SND1: variants seen among roughly 807,000 people sequenced by gnomAD.
The protein encoded by SND1 is staphylococcal nuclease and tudor domain containing 1.
In SND1, 38 loss-of-function variants were observed where a neutral mutation model predicts 121.7. The ratio of observed to expected loss-of-function variants is 0.31; its 90% CI spans 0.24 to 0.41. The LOEUF is 0.41. Among genes scored for constraint, SND1 ranks in the 10% least tolerant of loss-of-function variants. The pLI is 1.00. For synonymous variants in SND1, 401 were observed against 447.4 expected (o/e 0.90, Z 1.31); for missense variants, 868 against 1,184.6 (o/e 0.73, Z 3.92).
intron 10 of SND1, among the ~76,000 whole-genome samples, chr7:127,800,537 G>A (rs1251131058): frequency 6.6e-6 from 1 of 152,032 alleles, no homozygotes; most frequent in Non-Finnish European, 1.5e-5. Context: ...GCTGAAGAGA[G>A]GAATAAAAGT....
intron 15 of SND1, among the ~76,000 whole-genome samples, chr7:127,944,551 T>C (rs886449262): frequency 7.2e-5 from 11 of 152,184 alleles, no homozygotes; most frequent in Non-Finnish European, 8.8e-5. Flanking sequence ...TGGCCTAAAC[T>C]GAGTCATTAA....
chr7:127,828,358 A>G (rs1242605129), intron 11 of SND1, among the ~76,000 whole-genome samples: 1 of 151,966 alleles, frequency 6.6e-6, no homozygotes, highest in Admixed American at 6.6e-5. Context: ...ATCAGAATAT[A>G]TATACATATT....
chr7:127,975,776 A>G (rs1042492078), intron 15 of SND1, among the ~76,000 whole-genome samples: 4 of 151,994 alleles, frequency 2.6e-5, no homozygotes, highest in African/African-American at 9.7e-5. Context: ...CTGGCATGAG[A>G]CTTTCTTCTG....
chr7:128,020,323 C>T (rs1251163532), intron 16 of SND1, among the ~76,000 whole-genome samples: 1 of 152,240 alleles, frequency 6.6e-6, no homozygotes, highest in East Asian at 1.9e-4. Context: ...ACTGCAAACT[C>T]CAGGGGGCAC....
intron 14 of SND1, 64 bp downstream of exon 14, chr7:127,904,883 C>A: frequency 2.0e-6 from 2 of 1,024,604 alleles, no homozygotes; most frequent in Non-Finnish European, 3.1e-6. Context: ...TGCATATTTG[C>A]TGAAGGACTT....
At chr7:127,951,054 T>C (rs1801451484) in intron 15 of SND1, among the ~76,000 whole-genome samples, 1 of 152,196 alleles carries the variant, frequency 6.6e-6, no homozygotes. Flanking sequence ...GATCCAGCAA[T>C]TCTGCTTCTG....
Position 128,067,554 on chromosome 7 carries a change from G to T in SND1, c.1780-6948G>T, listed in dbSNP as rs752499051. Among the ~76,000 whole-genome samples the T allele has an allele frequency of 9.2e-5, 14 of 152,254 alleles. No individual in the cohort carries two copies. In the South Asian group the frequency reaches 2.9e-3, roughly 32 times the overall value. ...CCTCAGGGCAGTGGCGCCCTGTGCT[G>T]GGCTCTTTTCTACTTGGGACCTGCC... On this transcript the variant is annotated intron_variant, in intron 16 of 23. Coordinates refer to ENST00000354725, the MANE Select transcript of SND1 (RefSeq NM_014390.4).
intron 13 of SND1, among the ~76,000 whole-genome samples, chr7:127,888,342 G>A (rs765801133): frequency 1.3e-5 from 2 of 152,092 alleles, no homozygotes; most frequent in African/African-American, 2.4e-5. Context: ...CTGTGAAGCC[G>A]TGCTTATGTC....
chr7:127,663,140 G>A (rs749115672), intron 1 of SND1, among the ~76,000 whole-genome samples: 1 of 151,954 alleles, frequency 6.6e-6, no homozygotes, highest in Non-Finnish European at 1.5e-5. Context: ...TCCTGCCTCA[G>A]CCTCCAAAAG....
intron 16 of SND1, among the ~76,000 whole-genome samples, chr7:128,007,702 C>T (rs1803016830): frequency 6.6e-6 from 1 of 152,148 alleles, no homozygotes; most frequent in Non-Finnish European, 1.5e-5. Context: ...TAGAGCTTTT[C>T]CTTTGTTGGT....
At chr7:127,987,625 C>G (rs542036054) in intron 15 of SND1, among the ~76,000 whole-genome samples, 30 of 152,308 alleles carry the variant, frequency 2.0e-4, no homozygotes, top group African/African-American at 7.0e-4. Context: ...ACTTTTTTAA[C>G]TCTGCAAGAA....
intron 16 of SND1, chr7:127,999,810 T>C (rs1304417996): frequency 1.3e-5 from 2 of 152,182 alleles, no homozygotes; most frequent in Non-Finnish European, 2.9e-5. Flanking sequence ...GCCATTCCTA[T>C]GGAAGATAGC....
At chr7:127,984,043 A>G (rs1802327658) in intron 15 of SND1, among the ~76,000 whole-genome samples, 1 of 152,140 alleles carries the variant, frequency 6.6e-6, no homozygotes, top group East Asian at 1.9e-4. Context: ...TGAGCTGTAC[A>G]AATTTAGCAC....
At chr7:127,764,038 C>CAAAAAAAAAAAA (rs60053474) in intron 10 of SND1, among the ~76,000 whole-genome samples, 5 of 76,498 alleles carry the variant, frequency 6.5e-5, no homozygotes, top group Admixed American at 1.6e-4. Flanking sequence ...GACCCTGTCG[C>CAAAAAAAAAAAA]AAAAAAAAAA....
At chr7:127,775,560 T>C (rs1797603714) in intron 10 of SND1, among the ~76,000 whole-genome samples, 1 of 152,188 alleles carries the variant, frequency 6.6e-6, no homozygotes, top group South Asian at 2.1e-4. Context: ...AACATTGTTG[T>C]ACAACGTTTC....
chr7:128,017,715 G>A (rs1047915849), intron 16 of SND1, among the ~76,000 whole-genome samples: 4 of 152,260 alleles, frequency 2.6e-5, no homozygotes, highest in African/African-American at 9.6e-5. Flanking sequence ...CTTTACCCTT[G>A]TGGTATTTTG....
At chr7:127,877,447 A>T (rs1799712922) in intron 12 of SND1, among the ~76,000 whole-genome samples, 1 of 152,024 alleles carries the variant, frequency 6.6e-6, no homozygotes, top group South Asian at 2.1e-4. Flanking sequence ...TCTCAGGTAG[A>T]TGCTGACCAA....
intron 16 of SND1, chr7:128,031,918 G>T (rs984788242): frequency 6.6e-6 from 1 of 151,302 alleles, no homozygotes; most frequent in Non-Finnish European, 1.5e-5. Flanking sequence ...AGCAGCGGGG[G>T]TCGCGGCTGC....
intron 8 of SND1, among the ~76,000 whole-genome samples, chr7:127,706,387 G>T (rs1470350084): frequency 6.6e-6 from 1 of 151,622 alleles, no homozygotes; most frequent in African/African-American, 2.4e-5. Context: ...CTCCCCAGTA[G>T]CTGGGACTAC....
Sources: allele counts gnomAD v4.1 joint callset (sites outside exome capture counted in the v4.1 genomes callset), GRCh38; gene constraint gnomAD v4.1.1; transcripts MANE v1.5; gene names NCBI Gene and HGNC (gene_info 2026-07-23, HGNC 2026-07-21).